The following DYTN variants were observed in gnomAD, a reference collection of about 807,000 sequenced individuals.
DYTN encodes dystrotelin.
Under a neutral mutation model 69.6 loss-of-function variants are expected in DYTN, and 75 were observed. The ratio of observed to expected loss-of-function variants is 1.08; its 90% CI spans 0.89 to 1.31. The LOEUF (loss-of-function observed/expected upper bound fraction) is 1.31. Among genes scored for constraint, DYTN ranks in the 50% most tolerant of loss-of-function variants. The probability of loss-of-function intolerance (pLI) is 0.00; values close to 1 mark genes in which losing one functional copy is unlikely to be tolerated. For missense variants in DYTN, 726 were observed against 688.4 expected (o/e 1.05, Z -0.61); for synonymous variants, 252 against 249.1 (o/e 1.01, Z -0.11).
chr2:206,714,051 G>T (rs1559319967), intron 1 of DYTN, among the ~76,000 whole-genome samples: 3 of 152,174 alleles, frequency 2.0e-5, no homozygotes, highest in Admixed American at 1.3e-4. Context: ...AAGGTCATTT[G>T]TGGTGACATT....
intron 9 of DYTN, among the ~76,000 whole-genome samples, chr2:206,683,924 C>A (rs1026422753): frequency 5.3e-5 from 8 of 152,036 alleles, no homozygotes; most frequent in African/African-American, 1.9e-4. Context: ...TTGCTGCCAT[C>A]TCTCCAAGTC....
chr2:206,699,665 C>A, intron 7 of DYTN, 62 bp downstream of exon 7: 1 of 1,513,656 alleles, frequency 6.6e-7, no homozygotes, highest in African/African-American at 1.4e-5. Flanking sequence ...TGAAGGGATG[C>A]AGCTCCAACT....
At chr2:206,684,400 A>C (rs1000269658) in intron 9 of DYTN, among the ~76,000 whole-genome samples, 3 of 151,916 alleles carry the variant, frequency 2.0e-5, no homozygotes, top group Non-Finnish European at 4.4e-5. Context: ...GACCCCCTGG[A>C]CTCCAGCGAT....
intron 5 of DYTN, among the ~76,000 whole-genome samples, chr2:206,702,554 C>T (rs1367265419): frequency 6.6e-6 from 1 of 152,220 alleles, no homozygotes; most frequent in South Asian, 2.1e-4. Context: ...GTTATTTAGC[C>T]TTTGTCTGAA....
intron 1 of DYTN, among the ~76,000 whole-genome samples, chr2:206,717,230 T>C (rs1012369601): frequency 1.3e-5 from 2 of 152,220 alleles, no homozygotes; most frequent in African/African-American, 4.8e-5. Flanking sequence ...TTGACCAGGA[T>C]TCTTGTTTTT....
At chr2:206,695,014 C>T in intron 7 of DYTN, 137 bp from the exon 8 acceptor site, 1 of 571,450 alleles carries the variant, frequency 1.7e-6, no homozygotes. Context: ...TAAAGTTTCT[C>T]CCAAACTATA....
intron 1 of DYTN, among the ~76,000 whole-genome samples, chr2:206,712,007 A>T (rs994174749): frequency 9.9e-5 from 15 of 152,162 alleles, no homozygotes; most frequent in Non-Finnish European, 2.1e-4. Flanking sequence ...CTTTAATGTT[A>T]TTCAATAAAG....
chr2:206,651,945 C>T, intron 11 of DYTN, 24 bp from the exon 12 acceptor site: 2 of 1,595,404 alleles, frequency 1.3e-6, no homozygotes, highest in Non-Finnish European at 1.7e-6. Context: ...ACAAGAGAGT[C>T]ATTTAGAGAA....
At position 206,665,917 on chromosome 2, in the gene DYTN, G is replaced by T. The variant is rs909747679; in HGVS notation, c.1093C>A (p.Gln365Lys). The part of the protein sequence containing the change: ...ETRIHKLKTN[Q>K]DSLWTKLQQI... Reference sequence around the variant, plus strand: ...TGTAGCTTGGTCCATAGACTATCCTGGTTGGTTTTGAGTTTGTGAATCCTT... The same window carrying T: ...TGTAGCTTGGTCCATAGACTATCCTTGTTGGTTTTGAGTTTGTGAATCCTT... The change falls in exon 10 of 12, where the codon CAG (glutamine) becomes AAG (lysine). Residue 365 changes from glutamine to lysine, a missense_variant. Gln to Lys is a moderately conservative substitution (Grantham distance 53). Coordinates refer to ENST00000452335, the MANE Select transcript of DYTN (RefSeq NM_001093730.1). 2 of 1,613,854 alleles carry T rather than the reference G, an allele frequency of 1.2e-6. No individual in the cohort carries two copies. The highest frequency in any genetic ancestry group is 1.7e-6 in the Non-Finnish European group (2 of 1,179,824).
At position 206,683,332 on chromosome 2, in the gene DYTN, A is replaced by ACTTTTT. The variant is rs1491018312; in HGVS notation, c.980+9837_980+9842dup. Among the ~76,000 whole-genome samples, 6 of 125,100 alleles carry ACTTTTT rather than the reference A, an allele frequency of 4.8e-5. 1 individual carries two copies. The highest frequency in any genetic ancestry group is 1.8e-4 in the African/African-American group (6 of 33,260). 82.1% of individuals were successfully genotyped at this position (125,100 alleles called of 152,430 possible). On this transcript the variant is annotated intron_variant, in intron 9 of 11. Transcript: ENST00000452335. Reference sequence around the variant, plus strand: ...CCCCACTTCCTCACCTCTTCTTTTTACTTTTTCTTTTTTTTTTTTTTTTTT... The same window carrying ACTTTTT: ...CCCCACTTCCTCACCTCTTCTTTTTACTTTTTCTTTTTCTTTTTTTTTTTTTTTTTT...
chr2:206,693,177 G>C lies in DYTN; in HGVS notation c.978C>G (p.Ala326=). Residue 326 remains alanine (A), a splice_region_variant and synonymous_variant, in exon 9 of 12, where the codon GCC becomes GCG. Transcript: ENST00000452335. ...NPKGVPHHAQ[A]RLLKKQLNQY... Reference sequence around the variant, plus strand: ...AGCCAATCCTCGCAGCCACTCACCTGGCCTGCGCATGGTGAGGCACACCCT... The same window carrying C: ...AGCCAATCCTCGCAGCCACTCACCTCGCCTGCGCATGGTGAGGCACACCCT... 6.2e-7 allele frequency: 1 copy of C among 1,608,678 alleles called. No homozygotes were observed. The highest frequency in any genetic ancestry group is 8.5e-7 in the Non-Finnish European group (1 of 1,178,360).
intron 1 of DYTN, among the ~76,000 whole-genome samples, chr2:206,716,108 A>AC (rs1467505375): frequency 9.2e-5 from 14 of 152,302 alleles, no homozygotes; most frequent in African/African-American, 3.1e-4. Flanking sequence ...AAACAAACAA[A>AC]AAACAAAAGA....
intron 2 of DYTN, among the ~76,000 whole-genome samples, chr2:206,709,941 GAGAAA>G (rs892562315): frequency 1.3e-5 from 2 of 151,972 alleles, no homozygotes. Flanking sequence ...ATAACAGTAG[GAGAAA>G]AGAAAAGAAA....
intron 9 of DYTN, among the ~76,000 whole-genome samples, chr2:206,672,873 A>G (rs1262274743): frequency 1.3e-5 from 2 of 152,114 alleles, no homozygotes; most frequent in Non-Finnish European, 2.9e-5. Flanking sequence ...TGATGAAAAA[A>G]CTTCACTGGT....
At chr2:206,669,799 A>G (rs1699611053) in intron 9 of DYTN, among the ~76,000 whole-genome samples, 1 of 152,212 alleles carries the variant, frequency 6.6e-6, no homozygotes, top group Non-Finnish European at 1.5e-5. Context: ...TTGATACTTT[A>G]AAAGTGTTTA....
chr2:206,694,734 T>C lies in DYTN; in HGVS notation c.831+32A>G, dbSNP rs111696783. 4.8e-3 allele frequency: 7,480 copies of C among 1,542,456 alleles called. 23 individuals are homozygous for C. Among genetic ancestry groups the C allele is most frequent in the African/African-American group, 0.012 (833 of 72,324 alleles). On this transcript the variant is annotated intron_variant, in intron 8 of 11. Coordinates refer to ENST00000452335, the MANE Select transcript of DYTN (RefSeq NM_001093730.1). ...CTATAGCTTATACTGAATTGATTAA[T>C]GAATAGTTTGGTATGTGACATTAAA...
At position 206,694,838 on chromosome 2, in the gene DYTN, CT is replaced by C; in HGVS notation, c.758del (p.Gln253ArgfsTer63). 1 of 1,610,250 alleles carries C rather than the reference CT, an allele frequency of 6.2e-7. No homozygotes were observed. Among genetic ancestry groups the C allele is most frequent in the Non-Finnish European group, 8.5e-7 (1 of 1,178,806 alleles). On this transcript the variant is annotated frameshift_variant, in exon 8 of 12. Transcript: ENST00000452335. LOFTEE classifies it high-confidence loss of function. ...CLKCLNFDIC[Q>X]MCFLSGLHSK... Reference sequence around the variant, plus strand: ...TGTGAAGACCAGATAAGAAACACATCTGGCAGATGTCAAAGTTGAGACACTT... The same window carrying C: ...TGTGAAGACCAGATAAGAAACACATCGGCAGATGTCAAAGTTGAGACACTT...
intron 9 of DYTN, among the ~76,000 whole-genome samples, chr2:206,673,188 T>C (rs1699647071): frequency 2.7e-5 from 4 of 149,032 alleles, no homozygotes; most frequent in Admixed American, 2.0e-4. Flanking sequence ...AGAATATTTC[T>C]TTCTTATCTC....
chr2:206,664,052 C>T (rs1387165011), intron 10 of DYTN, among the ~76,000 whole-genome samples: 2 of 151,162 alleles, frequency 1.3e-5, no homozygotes, highest in African/African-American at 2.4e-5. Flanking sequence ...GGGTATTCTT[C>T]ACCCTCATAC....
Sources: allele counts gnomAD v4.1 joint callset (sites outside exome capture counted in the v4.1 genomes callset), GRCh38; gene constraint gnomAD v4.1.1; transcripts MANE v1.5; gene names NCBI Gene and HGNC (gene_info 2026-07-23, HGNC 2026-07-21).